SPATA18: variants seen among roughly 807,000 people sequenced by gnomAD.
SPATA18 encodes spermatogenesis associated 18, also known as mitochondria-eating protein.
A neutral mutation model predicts 68.1 loss-of-function variants in SPATA18; 54 were observed. That is an observed-to-expected ratio of 0.79 (90% confidence interval 0.64 to 0.99). The LOEUF (loss-of-function observed/expected upper bound fraction) is 0.99. Ranked by LOEUF, SPATA18 falls within the 50% of genes least tolerant of loss-of-function variation. SPATA18 has a pLI of 0.00. For missense variants in SPATA18, 724 were observed against 681.1 expected (o/e 1.06, Z -0.70); for synonymous variants, 242 against 244.8 (o/e 0.99, Z 0.11).
At position 52,076,978 on chromosome 4, in the gene SPATA18, C is replaced by T; in HGVS notation, c.958C>T (p.Leu320=). 2 of 1,613,822 alleles carry T rather than the reference C, an allele frequency of 1.2e-6. No individual in the cohort carries two copies. The highest frequency in any genetic ancestry group is 2.7e-5 in the African/African-American group (2 of 75,068). The part of the protein sequence containing the change: ...YSQARLDAQC[L]LRRCIDKAET... ...CCAGGCCCGCCTGGACGCGCAGTGC[C>T]TGCTGCGGCGCTGCATCGACAAGGC... Residue 320 remains leucine (L), a synonymous_variant, in exon 7 of 13, where the codon CTG becomes TTG. Coordinates refer to ENST00000295213, the MANE Select transcript of SPATA18 (RefSeq NM_145263.4).
chr4:52,071,826 T>G, intron 5 of SPATA18, 91 bp from the exon 6 acceptor site: 6 of 1,280,502 alleles, frequency 4.7e-6, no homozygotes, highest in Non-Finnish European at 6.4e-6. Context: ...TTGTTAAGCA[T>G]GCCAATTGCT....
rs1737887794 is a variant in SPATA18, at chr4:52,051,726, C to T, written c.22C>T (p.Leu8=). 1.9e-6 allele frequency: 3 copies of T among 1,614,122 alleles called. No individual in the cohort carries two copies. Among genetic ancestry groups the T allele is most frequent in the African/African-American group, 2.7e-5 (2 of 74,950 alleles). ...AGCGATGGCGGAAAACCTGAAAAGA[C>T]TGGTCTCAAACGAAACTTTACGAAC... MAENLKR[L]VSNETLRTLQ... The change falls in exon 1 of 13, where the codon CTG becomes TTG. Residue 8 remains leucine (L), a synonymous_variant. Transcript: ENST00000295213.
In SPATA18 at chr4:52,096,927, T is replaced by G. The variant is rs1249266597; in HGVS notation, c.*2040T>G. On this transcript the variant is annotated 3_prime_UTR_variant, in exon 13 of 13. Coordinates refer to ENST00000295213, the MANE Select transcript of SPATA18 (RefSeq NM_145263.4). ...GAGAATGCCTACATATCAGAATTTTTTTTTTCAGGAGCCAAGCACATATAC... is the reference window on the plus strand; with the variant it reads ...GAGAATGCCTACATATCAGAATTTTGTTTTTCAGGAGCCAAGCACATATAC... 6.6e-6 allele frequency: 1 copy of G among 152,188 alleles called. No individual in the cohort carries two copies. The highest frequency in any genetic ancestry group is 6.6e-5 in the Admixed American group (1 of 15,266). 9.4% of individuals were successfully genotyped at this position (152,188 alleles called of 1,614,324 possible).
intron 1 of SPATA18, among the ~76,000 whole-genome samples, chr4:52,053,152 T>C (rs900102840): frequency 6.6e-6 from 1 of 152,244 alleles, no homozygotes; most frequent in African/African-American, 2.4e-5. Flanking sequence ...AAAAACATGT[T>C]GTTTGTCACA....
intron 11 of SPATA18, among the ~76,000 whole-genome samples, chr4:52,090,226 C>T (rs1267912893): frequency 2.6e-5 from 4 of 152,102 alleles, no homozygotes; most frequent in African/African-American, 9.7e-5. Flanking sequence ...GGTCTTGACT[C>T]TTTATCCAGT....
intron 11 of SPATA18, among the ~76,000 whole-genome samples, chr4:52,089,905 T>A (rs1415794848): frequency 1.3e-5 from 2 of 152,194 alleles, no homozygotes; most frequent in African/African-American, 4.8e-5. Context: ...TCACTATTAT[T>A]GTGTGGGAGT....
intron 1 of SPATA18, among the ~76,000 whole-genome samples, chr4:52,057,583 A>G (rs1738460057): frequency 6.6e-6 from 1 of 152,226 alleles, no homozygotes; most frequent in African/African-American, 2.4e-5. Flanking sequence ...TGATACCACA[A>G]TAATACTTCT....
In SPATA18 at chr4:52,072,159, C is replaced by G; in HGVS notation, c.758+3C>G. 6.2e-7 allele frequency: 1 copy of G among 1,613,490 alleles called. No individual in the cohort carries two copies. Among genetic ancestry groups the G allele is most frequent in the South Asian group, 1.1e-5 (1 of 91,002 alleles). On this transcript the variant is annotated splice_donor_region_variant and intron_variant, in intron 6 of 12. Coordinates refer to ENST00000295213, the MANE Select transcript of SPATA18 (RefSeq NM_145263.4). ...GAGAAAAGTGCACTCCAAGGAAGGT[C>G]AGACAAACTCTCAAAGATCTTCTCA...
intron 11 of SPATA18, among the ~76,000 whole-genome samples, chr4:52,091,716 T>C (rs1293068213): frequency 6.6e-6 from 1 of 152,162 alleles, no homozygotes; most frequent in Non-Finnish European, 1.5e-5. Context: ...TTGGCCCCAG[T>C]TGGGAGGTGT....
At chr4:52,055,079 A>C (rs1159180139) in intron 1 of SPATA18, among the ~76,000 whole-genome samples, 1 of 152,154 alleles carries the variant, frequency 6.6e-6, no homozygotes, top group African/African-American at 2.4e-5. Context: ...TTTTGCAGCA[A>C]TCATGGTAGC....
At chr4:52,091,978 C>T (rs898966631) in intron 11 of SPATA18, among the ~76,000 whole-genome samples, 1 of 152,220 alleles carries the variant, frequency 6.6e-6, no homozygotes, top group Non-Finnish European at 1.5e-5. Flanking sequence ...CCAATTTGAA[C>T]TTCCTAGCAG....
intron 4 of SPATA18, among the ~76,000 whole-genome samples, chr4:52,063,732 C>T (rs186519111): frequency 1.0e-3 from 152 of 152,186 alleles, no homozygotes; most frequent in Admixed American, 1.5e-3. Context: ...CTCCTGGTGA[C>T]GGACATGAGG....
intron 7 of SPATA18, chr4:52,078,530 T>C: frequency 2.3e-6 from 1 of 430,052 alleles, no homozygotes; most frequent in Non-Finnish European, 4.2e-6. Flanking sequence ...GTCTTGATGT[T>C]AGTGAGCATG....
At chr4:52,055,680 A>T (rs1218012893) in intron 1 of SPATA18, among the ~76,000 whole-genome samples, 1 of 152,168 alleles carries the variant, frequency 6.6e-6, no homozygotes, top group Non-Finnish European at 1.5e-5. Context: ...GTTTCCAATG[A>T]CCAGGCCCCA....
At chr4:52,076,665 T>G (rs1408982467) in intron 6 of SPATA18, 114 bp from the exon 7 acceptor site, 2 of 1,395,504 alleles carry the variant, frequency 1.4e-6, no homozygotes, top group African/African-American at 2.9e-5. Context: ...TCTGAATTCC[T>G]CAGATAAGGA....
At chr4:52,088,607 C>T (rs967708126) in intron 11 of SPATA18, among the ~76,000 whole-genome samples, 3 of 152,228 alleles carry the variant, frequency 2.0e-5, no homozygotes, top group Non-Finnish European at 2.9e-5. Flanking sequence ...TATATTGAAC[C>T]AGCCTTGCAT....
At position 52,051,576 on chromosome 4, in the gene SPATA18, C is replaced by G; in HGVS notation, c.-129C>G. ...GACCCGAGGGGGAGGATGGAAACAC[C>G]TGCCGCGCTCTGAGCCCCCCAGAAG... is the stretch of plus-strand genomic sequence containing the variant. On this transcript the variant is annotated 5_prime_UTR_variant, in exon 1 of 13. Transcript: ENST00000295213. 1.1e-6 allele frequency: 1 copy of G among 885,548 alleles called. No homozygotes were observed. The highest frequency in any genetic ancestry group is 1.8e-6 in the Non-Finnish European group (1 of 545,272). The allele number at this position is 885,548 out of a possible 1,614,324, so 54.9% of individuals were successfully genotyped here.
chr4:52,060,536 C>T lies in SPATA18; in HGVS notation c.193+12C>T, dbSNP rs1205121871. On this transcript the variant is annotated intron_variant, in intron 2 of 12. Transcript: ENST00000295213. ...AGCAGCCCAAGAAGGTGAGAATGGC[C>T]TGTAATTTCCCATCCAGTTCTGCTT... is the stretch of plus-strand genomic sequence containing the variant. 1 of 1,607,932 alleles carries T rather than the reference C, an allele frequency of 6.2e-7. No individual in the cohort carries two copies. The highest frequency in any genetic ancestry group is 1.3e-5 in the African/African-American group (1 of 74,778).
intron 5 of SPATA18, among the ~76,000 whole-genome samples, chr4:52,070,962 G>C (rs963782744): frequency 4.0e-5 from 6 of 151,192 alleles, no homozygotes; most frequent in African/African-American, 1.5e-4. Flanking sequence ...GTTCTGATTT[G>C]GTCAGGAACA....
Sources: allele counts gnomAD v4.1 joint callset (sites outside exome capture counted in the v4.1 genomes callset), GRCh38; gene constraint gnomAD v4.1.1; transcripts MANE v1.5; gene names NCBI Gene and HGNC (gene_info 2026-07-23, HGNC 2026-07-21).